Variants in RIMS2 observed in about 807,000 individuals in gnomAD.
RIMS2 encodes the protein regulating synaptic membrane exocytosis protein 2.
A neutral mutation model predicts 174.4 loss-of-function variants in RIMS2; 59 were observed. The observed-to-expected ratio is 0.34, with a 90% CI of 0.27 to 0.42. The LOEUF is 0.42. Ranked by LOEUF, RIMS2 falls within the 10% of genes least tolerant of loss-of-function variation. RIMS2 has a pLI of 1.00. For missense variants in RIMS2, 1,620 were observed against 1,666.3 expected (o/e 0.97, Z 0.48); for synonymous variants, 606 against 572.5 (o/e 1.06, Z -0.84).
rs571357425 is a variant in RIMS2 at position 104,100,841 on chromosome 8, ATATG to A, written c.3334+86230_3334+86233del. 2.7e-3 allele frequency among the ~76,000 whole-genome samples: 377 copies of A among 140,638 alleles called. 2 individuals are homozygous for A. The highest frequency in any genetic ancestry group is 9.1e-3 in the African/African-American group (346 of 38,110). The allele number at this position is 140,638 out of a possible 152,430, so 92.3% of individuals were successfully genotyped here. ...ATATTATATATGTAATATATAATAT[ATATG>A]TATTATATATGTAATATATATTATA... On this transcript the variant is annotated intron_variant, in intron 19 of 23. Transcript: ENST00000504942.
At chr8:103,564,356 C>G (rs1418617960) in intron 1 of RIMS2, among the ~76,000 whole-genome samples, 2 of 152,176 alleles carry the variant, frequency 1.3e-5, no homozygotes, top group Admixed American at 1.3e-4. Context: ...TTAGGGTTCT[C>G]TAGAGGAACA....
At chr8:103,604,797 G>C (rs1342237362) in intron 1 of RIMS2, among the ~76,000 whole-genome samples, 1 of 109,426 alleles carries the variant, frequency 9.1e-6, no homozygotes, top group African/African-American at 4.0e-5. Flanking sequence ...TTGGCTCTCT[G>C]TTTGTCTGTT....
At chr8:104,112,815 C>T (rs2098213400) in intron 19 of RIMS2, among the ~76,000 whole-genome samples, 3 of 152,264 alleles carry the variant, frequency 2.0e-5, no homozygotes, top group Non-Finnish European at 2.9e-5. Context: ...TCAGCAAATA[C>T]CTGTTGAAGG....
chr8:103,755,874 T>C (rs767801699), intron 2 of RIMS2, among the ~76,000 whole-genome samples: 1 of 152,206 alleles, frequency 6.6e-6, no homozygotes, highest in Non-Finnish European at 1.5e-5. Flanking sequence ...TTAGGACATG[T>C]TCCTTTAGTT....
chr8:104,201,721 C>T (rs1379723887), intron 19 of RIMS2, among the ~76,000 whole-genome samples: 3 of 152,028 alleles, frequency 2.0e-5, no homozygotes, highest in East Asian at 3.9e-4. Context: ...AAAATGGGTT[C>T]GGGGCATCTA....
At chr8:103,539,814 C>T (rs78036683) in intron 1 of RIMS2, among the ~76,000 whole-genome samples, 1 of 152,250 alleles carries the variant, frequency 6.6e-6, no homozygotes, top group South Asian at 2.1e-4. Context: ...AGTGCTCACA[C>T]TTCAGACTCA....
chr8:103,910,101 C>T, intron 4 of RIMS2: 2 of 1,386,738 alleles, frequency 1.4e-6, no homozygotes, highest in Non-Finnish European at 2.0e-6. Flanking sequence ...TTCACCATCT[C>T]CTTTACTGCA....
intron 2 of RIMS2, among the ~76,000 whole-genome samples, chr8:103,737,426 G>A (rs1221164535): frequency 6.6e-6 from 1 of 151,588 alleles, no homozygotes; most frequent in Non-Finnish European, 1.5e-5. Context: ...ACCTCTGGTG[G>A]TCCTCCCGCC....
intron 4 of RIMS2, among the ~76,000 whole-genome samples, chr8:103,888,537 C>T (rs780590784): frequency 9.2e-5 from 14 of 151,466 alleles, no homozygotes; most frequent in Non-Finnish European, 1.8e-4. Context: ...GGTTTAGATT[C>T]TATCTGGTAG....
At chr8:103,610,382 T>C (rs977318554) in intron 1 of RIMS2, among the ~76,000 whole-genome samples, 25 of 152,300 alleles carry the variant, frequency 1.6e-4, no homozygotes, top group African/African-American at 6.0e-4. Flanking sequence ...ATAGGAGTGG[T>C]GATAGAGGGC....
intron 19 of RIMS2, among the ~76,000 whole-genome samples, chr8:104,036,177 GTC>G (rs1565959523): frequency 6.6e-6 from 1 of 150,462 alleles, no homozygotes; most frequent in Non-Finnish European, 1.5e-5. Context: ...TTGAGATGGG[GTC>G]TCTCTCTGTC....
intron 16 of RIMS2, chr8:103,975,785 C>T (rs1439898654): frequency 4.2e-6 from 1 of 236,116 alleles, no homozygotes; most frequent in Non-Finnish European, 8.1e-6. Flanking sequence ...CTGAGAGCCA[C>T]CAGCAAGCCA....
intron 19 of RIMS2, among the ~76,000 whole-genome samples, chr8:104,080,308 A>G (rs1176473486): frequency 6.6e-6 from 1 of 152,078 alleles, no homozygotes; most frequent in Non-Finnish European, 1.5e-5. Context: ...AATCAGTCTC[A>G]TCATTAATTA....
At chr8:103,872,701 A>G (rs1383717261) in intron 3 of RIMS2, among the ~76,000 whole-genome samples, 1 of 152,228 alleles carries the variant, frequency 6.6e-6, no homozygotes, top group Non-Finnish European at 1.5e-5. Flanking sequence ...AGAATAAAGT[A>G]TGAAAGGTGT....
intron 19 of RIMS2, among the ~76,000 whole-genome samples, chr8:104,081,894 C>CA (rs2097427039): frequency 6.6e-6 from 1 of 151,676 alleles, no homozygotes; most frequent in African/African-American, 2.4e-5. Context: ...TTCTCTTGAA[C>CA]AAAAAACAAA....
At chr8:104,012,834 G>T (rs1209404731) in intron 17 of RIMS2, among the ~76,000 whole-genome samples, 1 of 152,122 alleles carries the variant, frequency 6.6e-6, no homozygotes, top group Non-Finnish European at 1.5e-5. Flanking sequence ...AATTGAATCA[G>T]TTGGCATAGC....
At chr8:103,678,912 A>C (rs2096846617) in intron 1 of RIMS2, among the ~76,000 whole-genome samples, 1 of 152,054 alleles carries the variant, frequency 6.6e-6, no homozygotes, top group Admixed American at 6.6e-5. Context: ...AGGATTGGCA[A>C]TAAATGCCGA....
At chr8:104,251,213 G>C (rs1039439962) in intron 23 of RIMS2, 50 bp downstream of exon 29, 2 of 1,444,634 alleles carry the variant, frequency 1.4e-6, no homozygotes, top group Non-Finnish European at 1.9e-6. Context: ...TTTTCATGGG[G>C]TCAGACATTA....
At chr8:104,016,024 A>G (rs1014696800) in intron 19 of RIMS2, among the ~76,000 whole-genome samples, 1 of 152,074 alleles carries the variant, frequency 6.6e-6, no homozygotes, top group Non-Finnish European at 1.5e-5. Flanking sequence ...CAAACACTAC[A>G]TTATGACTCA....
Sources: allele counts gnomAD v4.1 joint callset (sites outside exome capture counted in the v4.1 genomes callset), GRCh38; gene constraint gnomAD v4.1.1; transcripts MANE v1.5; gene names NCBI Gene and HGNC (gene_info 2026-07-23, HGNC 2026-07-21).